KBTBD2: variants seen among roughly 807,000 people sequenced by gnomAD.
KBTBD2 encodes the protein kelch repeat and BTB domain containing 2, also known as kelch repeat and BTB domain-containing protein 2.
In KBTBD2, 17 loss-of-function variants were observed where a neutral mutation model predicts 57.1. The observed-to-expected ratio is 0.30, with a 90% CI of 0.20 to 0.45. The LOEUF is 0.45. Ranked by LOEUF, KBTBD2 falls within the 20% of genes least tolerant of loss-of-function variation. The pLI is 1.00. For synonymous variants in KBTBD2, 267 were observed against 262.7 expected, an observed-to-expected ratio of 1.02 and a Z score of -0.16; for missense variants, 515 against 750.6, an observed-to-expected ratio of 0.69 and a Z score of 3.67.
intron 2 of KBTBD2, among the ~76,000 whole-genome samples, chr7:32,877,993 T>C (rs1298630634): frequency 6.6e-6 from 1 of 151,688 alleles, no homozygotes; most frequent in Non-Finnish European, 1.5e-5. Context: ...GTGCCTGTAA[T>C]CCCAGCTACT....
Position 32,879,962 on chromosome 7 carries a change from A to G in KBTBD2, c.-338-20T>C, listed in dbSNP as rs1191919375. The G allele has an allele frequency of 1.0e-5, 2 of 196,086 alleles. No individual in the cohort carries two copies. Among genetic ancestry groups the G allele is most frequent in the Non-Finnish European group, 2.1e-5 (2 of 97,262 alleles). The allele number at this position is 196,086 out of a possible 1,614,324, so 12.1% of individuals were successfully genotyped here. A position where few individuals can be genotyped will look rare whatever the true frequency, so the allele number is the denominator to read the frequency against. ...GAGTAACTAAAAAGAAAAAAAGTTC[A>G]GTTGTAGTATCTAGGCCAGTACGGT... is the stretch of plus-strand genomic sequence containing the variant. On this transcript the variant is annotated intron_variant, in intron 1 of 3. Transcript: ENST00000304056.
chr7:32,883,045 G>A (rs2127954898), intron 1 of KBTBD2, among the ~76,000 whole-genome samples: 1 of 151,612 alleles, frequency 6.6e-6, no homozygotes, highest in Non-Finnish European at 1.5e-5. Flanking sequence ...CACCCCTCTG[G>A]GAGCATGGAC....
chr7:32,885,871 A>G (rs1784567530), intron 1 of KBTBD2, among the ~76,000 whole-genome samples: 1 of 151,112 alleles, frequency 6.6e-6, no homozygotes. Flanking sequence ...TTAAAATGTT[A>G]TACACAGGAT....
intron 2 of KBTBD2, among the ~76,000 whole-genome samples, chr7:32,877,764 A>G (rs1331602335): frequency 6.6e-6 from 1 of 152,190 alleles, no homozygotes; most frequent in African/African-American, 2.4e-5. Context: ...TGTTTTAGGT[A>G]TAATACACAG....
chr7:32,890,789 G>A (rs532671105), intron 1 of KBTBD2, among the ~76,000 whole-genome samples: 1 of 152,218 alleles, frequency 6.6e-6, no homozygotes, highest in Non-Finnish European at 1.5e-5. Flanking sequence ...TGGGATGGAC[G>A]CTCCTCTACC....
intron 1 of KBTBD2, among the ~76,000 whole-genome samples, chr7:32,884,134 C>T (rs1784509377): frequency 1.3e-5 from 2 of 152,268 alleles, no homozygotes; most frequent in Admixed American, 1.3e-4. Context: ...CAGTGGATCA[C>T]ACAGGAGGAA....
intron 1 of KBTBD2, among the ~76,000 whole-genome samples, chr7:32,883,051 T>C (rs1012624874): frequency 6.6e-6 from 1 of 151,578 alleles, no homozygotes; most frequent in Non-Finnish European, 1.5e-5. Context: ...TCTGGGAGCA[T>C]GGACTTCAAA....
intron 1 of KBTBD2, among the ~76,000 whole-genome samples, chr7:32,888,694 C>CAA (rs1229378677): frequency 4.8e-4 from 47 of 98,466 alleles, no homozygotes; most frequent in African/African-American, 1.3e-3. Flanking sequence ...GACTCCGTCC[C>CAA]AAAAAAAAAA....
At chr7:32,888,860 A>C (rs1784652808) in intron 1 of KBTBD2, among the ~76,000 whole-genome samples, 1 of 152,224 alleles carries the variant, frequency 6.6e-6, no homozygotes, top group Non-Finnish European at 1.5e-5. Flanking sequence ...AAGCTGTACT[A>C]TATTATGATT....
chr7:32,890,821 T>TAG (rs1554278899), intron 1 of KBTBD2, among the ~76,000 whole-genome samples: 2 of 152,184 alleles, frequency 1.3e-5, no homozygotes, highest in Non-Finnish European at 2.9e-5. Context: ...GTAGAGTTCT[T>TAG]AGATAGCTAA....
intron 2 of KBTBD2, among the ~76,000 whole-genome samples, chr7:32,877,571 T>G (rs1017456800): frequency 1.3e-5 from 2 of 152,136 alleles, no homozygotes; most frequent in Non-Finnish European, 2.9e-5. Flanking sequence ...TATAGGAGCA[T>G]TAGATGTAAA....
intron 1 of KBTBD2, among the ~76,000 whole-genome samples, chr7:32,886,024 T>C (rs1422150804): frequency 6.6e-6 from 1 of 151,670 alleles, no homozygotes; most frequent in Non-Finnish European, 1.5e-5. Flanking sequence ...TTCTCCTGCC[T>C]CAGCCTCCTA....
At chr7:32,875,611 G>A (rs1784294251) in intron 2 of KBTBD2, among the ~76,000 whole-genome samples, 1 of 152,064 alleles carries the variant, frequency 6.6e-6, no homozygotes. Context: ...ATAAAATCCA[G>A]TCCCAAATAT....
chr7:32,874,458 C>T (rs1784260757), intron 3 of KBTBD2: 1 of 151,602 alleles, frequency 6.6e-6, no homozygotes, highest in Non-Finnish European at 1.5e-5. Context: ...AGTAGCTGGG[C>T]ATGGTGGTGC....
intron 3 of KBTBD2, among the ~76,000 whole-genome samples, chr7:32,872,375 TA>T (rs1348101540): frequency 1.3e-5 from 2 of 152,090 alleles, no homozygotes; most frequent in African/African-American, 4.8e-5. Flanking sequence ...ACGATAAAGT[TA>T]GTGTAATAAG....
At chr7:32,885,785 T>C (rs1262983881) in intron 1 of KBTBD2, among the ~76,000 whole-genome samples, 1 of 152,218 alleles carries the variant, frequency 6.6e-6, no homozygotes. Context: ...ATATTCTTAC[T>C]CCTTCTTTTA....
Position 32,868,541 on chromosome 7 carries a change from T to C in KBTBD2, c.*804A>G, listed in dbSNP as rs1311102010. 2 of 152,638 alleles carry C rather than the reference T, an allele frequency of 1.3e-5. No individual in the cohort carries two copies. The highest frequency in any genetic ancestry group is 2.9e-5 in the Non-Finnish European group (2 of 68,054). 9.5% of individuals were successfully genotyped at this position (152,638 alleles called of 1,614,324 possible). A position where few individuals can be genotyped will look rare whatever the true frequency, so the allele number is the denominator to read the frequency against. On this transcript the variant is annotated 3_prime_UTR_variant, in exon 4 of 4. Transcript: ENST00000304056. ...GTTAACCCACTCTAAATCTTGAAGATGGAGAACTACATCAGCAGCAGATAG... is the reference window on the plus strand; with the variant it reads ...GTTAACCCACTCTAAATCTTGAAGACGGAGAACTACATCAGCAGCAGATAG...
At position 32,884,638 on chromosome 7, in the gene KBTBD2, C is replaced by T. The variant is rs532562673; in HGVS notation, c.-338-4696G>A. On this transcript the variant is annotated intron_variant, in intron 1 of 3. Coordinates refer to ENST00000304056, the MANE Select transcript of KBTBD2 (RefSeq NM_015483.3). ...CCAGGAGGAGGAGGTTGCAGTGAGC[C>T]GAGATCGCACCACTGCACTCCAGCC... 3.3e-4 allele frequency among the ~76,000 whole-genome samples: 48 copies of T among 143,880 alleles called. 1 individual carries two copies. Among genetic ancestry groups the T allele is most frequent in the Non-Finnish European group, 6.1e-4 (40 of 65,502 alleles). 94.4% of individuals were successfully genotyped at this position (143,880 alleles called of 152,430 possible). A position where few individuals can be genotyped will look rare whatever the true frequency, so the allele number is the denominator to read the frequency against.
At chr7:32,885,103 T>G (rs1784545068) in intron 1 of KBTBD2, among the ~76,000 whole-genome samples, 1 of 151,038 alleles carries the variant, frequency 6.6e-6, no homozygotes, top group Admixed American at 6.6e-5. Flanking sequence ...CTTGAACTCC[T>G]ACGTTCAAGC....
Sources: gnomAD v4.1 joint callset for allele counts (sites outside exome capture counted in the v4.1 genomes callset) on GRCh38, gnomAD v4.1.1 for gene constraint, MANE v1.5 for transcripts, NCBI Gene and HGNC (gene_info 2026-07-23, HGNC 2026-07-21) for gene names.